Variants in ORAI2 observed in about 807,000 individuals in gnomAD.
ORAI2 encodes the protein ORAI calcium release-activated calcium modulator 2.
Under a neutral mutation model 16.2 loss-of-function variants are expected in ORAI2, and 10 were observed. The observed-to-expected ratio is 0.62, with a 90% CI of 0.38 to 1.04. The LOEUF is 1.04. ORAI2 is among the 50% of genes least tolerant of loss of function. The pLI is 0.01. For missense variants in ORAI2, 238 were observed against 355.5 expected (o/e 0.67, Z 2.66); for synonymous variants, 150 against 157.5 (o/e 0.95, Z 0.35).
rs762863120 is a variant in ORAI2 at position 102,446,688 on chromosome 7, T to C, written c.401T>C (p.Ile134Thr). 1 of 1,614,162 alleles carries C rather than the reference T, an allele frequency of 6.2e-7. No homozygotes were observed. The highest frequency in any genetic ancestry group is 8.5e-7 in the Non-Finnish European group (1 of 1,180,022). ...AVSNIHNLNS[I>T]SESPHERMHP... The stretch of plus-strand genomic sequence containing the variant: ...AGCAACATCCACAACCTGAACTCCA[T>C]CAGCGAGTCCCCGCATGAGCGCATG... The change falls in exon 4 of 4, where the codon ATC (isoleucine) becomes ACC (threonine). Residue 134 changes from isoleucine to threonine, a missense_variant. Around this residue, in one of 3 missense-constraint regions of ORAI2, gnomAD observed 176 missense variants for 265.9 expected, o/e 0.66. Coordinates refer to ENST00000495936, the MANE Select transcript of ORAI2 (RefSeq NM_001126340.3).
chr7:102,456,642 G>T lies in ORAI2; in HGVS notation c.*9590G>T, dbSNP rs1202119386. On this transcript the variant is annotated 3_prime_UTR_variant, in exon 4 of 4. Coordinates refer to ENST00000495936, the MANE Select transcript of ORAI2 (RefSeq NM_001126340.3). ...CATCCCCCAACCCTCCCTGGGCGTG[G>T]GGGTGTCAAGCATGAGTCAGGCTGA... The T allele has an allele frequency of 6.6e-6, 1 of 152,176 alleles. No homozygotes were observed. The highest frequency in any genetic ancestry group is 2.4e-5 in the African/African-American group (1 of 41,446). 9.4% of individuals were successfully genotyped at this position (152,176 alleles called of 1,614,324 possible).
intron 2 of ORAI2, among the ~76,000 whole-genome samples, chr7:102,437,968 G>A (rs970686722): frequency 6.6e-6 from 1 of 152,078 alleles, no homozygotes; most frequent in Non-Finnish European, 1.5e-5. Context: ...AGCTTCCCTT[G>A]AACCTAAGAG....
In ORAI2 at chr7:102,442,158, G is replaced by A. The variant is rs189673466; in HGVS notation, c.225+2977G>A. Among the ~76,000 whole-genome samples, 534 of 152,272 alleles carry A rather than the reference G, an allele frequency of 3.5e-3. 3 individuals are homozygous for A. Among genetic ancestry groups the A allele is most frequent in the Middle Eastern group, 0.014 (4 of 294 alleles). Reference sequence around the variant, plus strand: ...AGGCCAGGCGGGGTGGCTCACGCCTGTAATCCCAGCACTTTGGGAGGCTGA... The same window carrying A: ...AGGCCAGGCGGGGTGGCTCACGCCTATAATCCCAGCACTTTGGGAGGCTGA... On this transcript the variant is annotated intron_variant, in intron 3 of 3. Coordinates refer to ENST00000495936, the MANE Select transcript of ORAI2 (RefSeq NM_001126340.3).
At chr7:102,440,554 A>T (rs1797170650) in intron 3 of ORAI2, among the ~76,000 whole-genome samples, 1 of 152,126 alleles carries the variant, frequency 6.6e-6, no homozygotes, top group Non-Finnish European at 1.5e-5. Context: ...GTTTTTAGAG[A>T]CAGGGTCCCA....
chr7:102,455,742 G>A lies in ORAI2; in HGVS notation c.*8690G>A, dbSNP rs1797629888. ...GGGCCGTGATACTGGGAGGAAGCCG[G>A]GCTCTGTGCTCTTGCTCCAAGTGAG... is the stretch of plus-strand genomic sequence containing the variant. On this transcript the variant is annotated 3_prime_UTR_variant, in exon 4 of 4. Coordinates refer to ENST00000495936, the MANE Select transcript of ORAI2 (RefSeq NM_001126340.3). The A allele has an allele frequency of 6.6e-6, 1 of 151,390 alleles. No individual in the cohort carries two copies. 9.4% of individuals were successfully genotyped at this position (151,390 alleles called of 1,614,324 possible).
At chr7:102,434,429 C>T (rs555921025) in intron 1 of ORAI2, among the ~76,000 whole-genome samples, 1 of 152,330 alleles carries the variant, frequency 6.6e-6, no homozygotes, top group African/African-American at 2.4e-5. Flanking sequence ...ATCCCACCCA[C>T]TCTGGGGACA....
At chr7:102,434,887 C>T (rs1051526596) in intron 1 of ORAI2, 1 of 152,296 alleles carries the variant, frequency 6.6e-6, no homozygotes, top group Admixed American at 6.5e-5. Context: ...AGCCACCCCA[C>T]ATGTACACCT....
rs538984773 is a variant in ORAI2 at position 102,453,819 on chromosome 7, C to T, written c.*6767C>T. 6.6e-6 allele frequency: 1 copy of T among 152,396 alleles called. No individual in the cohort carries two copies. The highest frequency in any genetic ancestry group is 6.5e-5 in the Admixed American group (1 of 15,304). 9.4% of individuals were successfully genotyped at this position (152,396 alleles called of 1,614,324 possible). ...TCTTGGCTCACTGTAACCTCCGCCT[C>T]CCGGGCTCAAGTGATTCTCCTGCCT... On this transcript the variant is annotated 3_prime_UTR_variant, in exon 4 of 4. Coordinates refer to ENST00000495936, the MANE Select transcript of ORAI2 (RefSeq NM_001126340.3).
In ORAI2 at chr7:102,456,143, AG is replaced by A. The variant is rs1296889192; in HGVS notation, c.*9093del. 1 of 153,930 alleles carries A rather than the reference AG, an allele frequency of 6.5e-6. No homozygotes were observed. Among genetic ancestry groups the A allele is most frequent in the Admixed American group, 6.5e-5 (1 of 15,278 alleles). The allele number at this position is 153,930 out of a possible 1,614,324, so 9.5% of individuals were successfully genotyped here. ...CACAGCCTGCCCCGCACCCAGCCAC[AG>A]GAACAGCAGAGCAGCTCCCCCATCC... On this transcript the variant is annotated 3_prime_UTR_variant, in exon 4 of 4. Coordinates refer to ENST00000495936, the MANE Select transcript of ORAI2 (RefSeq NM_001126340.3).
chr7:102,443,104 CTTCTTCTTCTTCTTCTTCTTCTTCTTCTT>C (rs1169972564), intron 3 of ORAI2, among the ~76,000 whole-genome samples: 2 of 108,392 alleles, frequency 1.8e-5, no homozygotes, highest in South Asian at 5.8e-4. Context: ...TCTTCTTCTT[CTTCTTCTTCTTCTTCTTCTTCTTCTTCTT>C]TTTTTTTTTT....
rs557188204 is a variant in ORAI2, at chr7:102,451,452, C to T, written c.*4400C>T. The T allele has an allele frequency of 2.0e-5, 3 of 152,314 alleles. No homozygotes were observed. The highest frequency in any genetic ancestry group is 7.2e-5 in the African/African-American group (3 of 41,558). 9.4% of individuals were successfully genotyped at this position (152,314 alleles called of 1,614,324 possible). A position where few individuals can be genotyped will look rare whatever the true frequency, so the allele number is the denominator to read the frequency against. ...CTGCTGAGGACCAGACCACGTAAGC[C>T]TGAGTGGATCCTGACTCAGCTGCAG... On this transcript the variant is annotated 3_prime_UTR_variant, in exon 4 of 4. Transcript: ENST00000495936.
intron 2 of ORAI2, among the ~76,000 whole-genome samples, chr7:102,438,602 C>T (rs1372892638): frequency 2.6e-5 from 4 of 152,190 alleles, no homozygotes; most frequent in Non-Finnish European, 5.9e-5. Flanking sequence ...TGATGAAACC[C>T]CGTCTCTACT....
At chr7:102,435,536 C>CTTTTTTTTTTTTTTTTTTTTT (rs56680127) in intron 1 of ORAI2, among the ~76,000 whole-genome samples, 1 of 121,574 alleles carries the variant, frequency 8.2e-6, no homozygotes, top group African/African-American at 3.0e-5. Context: ...GCCCCCCCCT[C>CTTTTTTTTTTTTTTTTTTTTT]TTTTTTTTTT....
At chr7:102,441,584 A>G (rs1365013203) in intron 3 of ORAI2, among the ~76,000 whole-genome samples, 1 of 147,552 alleles carries the variant, frequency 6.8e-6, no homozygotes, top group African/African-American at 2.5e-5. Context: ...GGCTCTTGCT[A>G]TGTTGCCCAG....
At position 102,450,769 on chromosome 7, in the gene ORAI2, C is replaced by A. The variant is rs1797499165; in HGVS notation, c.*3717C>A. On this transcript the variant is annotated 3_prime_UTR_variant, in exon 4 of 4. Coordinates refer to ENST00000495936, the MANE Select transcript of ORAI2 (RefSeq NM_001126340.3). The stretch of plus-strand genomic sequence containing the variant: ...GGAAACCTCAGGGTCACCCCAGAGC[C>A]TGTGGGGAGACGGAGGGTGAGCTGT... 6.6e-6 allele frequency: 1 copy of A among 152,288 alleles called. No homozygotes were observed. The highest frequency in any genetic ancestry group is 2.1e-4 in the South Asian group (1 of 4,834). The allele number at this position is 152,288 out of a possible 1,614,324, so 9.4% of individuals were successfully genotyped here.
rs1169867652 is a variant in ORAI2 at position 102,453,204 on chromosome 7, C to G, written c.*6152C>G. The G allele has an allele frequency of 6.6e-6, 1 of 152,116 alleles. No individual in the cohort carries two copies. 9.4% of individuals were successfully genotyped at this position (152,116 alleles called of 1,614,324 possible). ...AGCCAAGCTGGTCTCGAACTCCCGA[C>G]CTCAGATGATCCGCCTGCCTCAGCC... On this transcript the variant is annotated 3_prime_UTR_variant, in exon 4 of 4. Transcript: ENST00000495936.
intron 3 of ORAI2, among the ~76,000 whole-genome samples, chr7:102,444,870 C>T (rs1358517111): frequency 8.0e-5 from 12 of 149,328 alleles, no homozygotes; most frequent in East Asian, 6.1e-4. Context: ...TTTCACCATG[C>T]GGGCCAGGCT....
In ORAI2 at chr7:102,452,967, T is replaced by G. The variant is rs1797566217; in HGVS notation, c.*5915T>G. ...ATGCACCACCACCATGCCCTGCTAA[T>G]TTTTGTTGTTGTCGTTGGTTTTTGA... On this transcript the variant is annotated 3_prime_UTR_variant, in exon 4 of 4. Transcript: ENST00000495936. 6.6e-6 allele frequency: 1 copy of G among 152,058 alleles called. No homozygotes were observed. Among genetic ancestry groups the G allele is most frequent in the South Asian group, 2.1e-4 (1 of 4,832 alleles). 9.4% of individuals were successfully genotyped at this position (152,058 alleles called of 1,614,324 possible).
chr7:102,440,841 C>T (rs1041503217), intron 3 of ORAI2, among the ~76,000 whole-genome samples: 3 of 151,326 alleles, frequency 2.0e-5, no homozygotes, highest in Admixed American at 6.6e-5. Context: ...AGCATTGCAC[C>T]TTGTCCAGCC....
Sources: allele counts gnomAD v4.1 joint callset (sites outside exome capture counted in the v4.1 genomes callset), GRCh38; gene constraint gnomAD v4.1.1; regional missense constraint gnomAD v4.1.1; transcripts MANE v1.5; gene names NCBI Gene and HGNC (gene_info 2026-07-23, HGNC 2026-07-21).